CFAP77: variants seen among roughly 807,000 people sequenced by gnomAD.
CFAP77 encodes the protein cilia- and flagella-associated protein 77.
A neutral mutation model predicts 31.1 loss-of-function variants in CFAP77; 25 were observed. The ratio of observed to expected loss-of-function variants is 0.80; its 90% CI spans 0.59 to 1.12. CFAP77 has a LOEUF of 1.12. CFAP77 is among the 50% of genes most tolerant of loss of function. The pLI, the probability that CFAP77 is intolerant of heterozygous loss-of-function variation, is 0.00. For synonymous variants in CFAP77, 151 were observed against 159.9 expected (o/e 0.94, Z 0.42); for missense variants, 377 against 397.3 (o/e 0.95, Z 0.44).
intron 1 of CFAP77, among the ~76,000 whole-genome samples, chr9:132,459,627 G>C (rs28689528): frequency 6.6e-6 from 1 of 151,550 alleles, no homozygotes; most frequent in African/African-American, 2.4e-5. Context: ...ATGTATATGT[G>C]TGTATACATG....
rs181661204 is a variant in CFAP77 at position 132,545,149 on chromosome 9, G to A, written c.732+2102G>A. Among the ~76,000 whole-genome samples the A allele has an allele frequency of 1.6e-4, 25 of 152,370 alleles. No homozygotes were observed. In the East Asian group the frequency reaches 4.6e-3, roughly 28 times the overall value. On this transcript the variant is annotated intron_variant, in intron 5 of 5. Transcript: ENST00000393216. This position sits in a 1 kb window ranked among gnomAD's most constrained non-coding sequence, Gnocchi z 4.6. ...TTTCCATTTTCCAAAGAGGGGATTTGACTCAGCTGACCATGGGTCTGCCAG... is the reference window on the plus strand; with the variant it reads ...TTTCCATTTTCCAAAGAGGGGATTTAACTCAGCTGACCATGGGTCTGCCAG...
chr9:132,449,292 GGCTGCACTCACCCTCCTCTCCTA>G (rs1564207840), intron 1 of CFAP77, among the ~76,000 whole-genome samples: 15 of 77,068 alleles, frequency 1.9e-4, no homozygotes, highest in Non-Finnish European at 3.8e-4. Flanking sequence ...TCCTACTCCT[GGCTGCACTCACCCTCCTCTCCTA>G]CTCCTGGCTG....
At chr9:132,510,103 G>T (rs1301439714) in intron 3 of CFAP77, among the ~76,000 whole-genome samples, 1 of 152,280 alleles carries the variant, frequency 6.6e-6, no homozygotes, top group East Asian at 1.9e-4. Flanking sequence ...GCACTGATGG[G>T]CCCGTAATGG....
chr9:132,550,746 T>C (rs144367697), intron 5 of CFAP77, among the ~76,000 whole-genome samples: 1 of 152,086 alleles, frequency 6.6e-6, no homozygotes, highest in East Asian at 1.9e-4. Flanking sequence ...GGTTTCTGAG[T>C]GTCCCCACTT....
intron 1 of CFAP77, among the ~76,000 whole-genome samples, chr9:132,444,626 G>A (rs368278978): frequency 2.6e-5 from 4 of 152,262 alleles, no homozygotes; most frequent in South Asian, 4.1e-4. Flanking sequence ...GTGGTCTCCC[G>A]AAATCGTGCA....
rs77239795 is a variant in CFAP77, at chr9:132,458,015, C to T, written c.196-40680C>T. Among the ~76,000 whole-genome samples, 1,392 of 152,302 alleles carry T rather than the reference C, an allele frequency of 9.1e-3. 17 individuals carry two copies. The highest frequency in any genetic ancestry group is 0.031 in the African/African-American group (1,283 of 41,566). Reference sequence around the variant, plus strand: ...GCCCCGATCCCTTATTTCCGAAGGCCCGGGGCCTCCCTCCCTCGTCATATT... The same window carrying T: ...GCCCCGATCCCTTATTTCCGAAGGCTCGGGGCCTCCCTCCCTCGTCATATT... On this transcript the variant is annotated intron_variant, in intron 1 of 5. Coordinates refer to ENST00000393216, the MANE Select transcript of CFAP77 (RefSeq NM_001282957.2).
rs141288820 is a variant in CFAP77, at chr9:132,517,012, G to A, written c.524+17412G>A. On this transcript the variant is annotated intron_variant, in intron 3 of 5. Coordinates refer to ENST00000393216, the MANE Select transcript of CFAP77 (RefSeq NM_001282957.2). This position sits in a 1 kb window ranked among gnomAD's most constrained non-coding sequence, Gnocchi z 4.7. Reference sequence around the variant, plus strand: ...GGGAGACACCCCAGCCCTGCAGCACGCAGCTCGGGGCTGTGTGAGAACACG... The same window carrying A: ...GGGAGACACCCCAGCCCTGCAGCACACAGCTCGGGGCTGTGTGAGAACACG... Among the ~76,000 whole-genome samples, 18 of 152,334 alleles carry A rather than the reference G, an allele frequency of 1.2e-4. No homozygotes were observed. The highest frequency in any genetic ancestry group is 9.6e-4 in the East Asian group (5 of 5,184).
In CFAP77 at chr9:132,543,164, C is replaced by T. The variant is rs55777723; in HGVS notation, c.732+117C>T. ...GGCTTCTCACCATCGATTAGTACAA[C>T]AGCCGCAGCAGCAATCGCAACAGCT... On this transcript the variant is annotated intron_variant, in intron 5 of 5. Transcript: ENST00000393216. The T allele has an allele frequency of 0.018, 13,917 of 752,326 alleles. 1,385 individuals are homozygous for T. The African/African-American group carries it at 0.21, about 12-fold the overall frequency. 46.6% of individuals were successfully genotyped at this position (752,326 alleles called of 1,614,324 possible). A position where few individuals can be genotyped will look rare whatever the true frequency, so the allele number is the denominator to read the frequency against.
intron 1 of CFAP77, among the ~76,000 whole-genome samples, chr9:132,445,059 C>A (rs377128401): frequency 6.6e-6 from 1 of 151,750 alleles, no homozygotes; most frequent in African/African-American, 2.4e-5. Context: ...CTGCAACCTC[C>A]GCCTCCTGGG....
At chr9:132,559,163 T>C (rs1852952786) in intron 5 of CFAP77, among the ~76,000 whole-genome samples, 1 of 151,178 alleles carries the variant, frequency 6.6e-6, no homozygotes, top group East Asian at 1.9e-4. Context: ...GCTAACACGG[T>C]GAAACCCGAT....
In CFAP77 at chr9:132,554,573, G is replaced by A. The variant is rs1362358743; in HGVS notation, c.732+11526G>A. On this transcript the variant is annotated intron_variant, in intron 5 of 5. Coordinates refer to ENST00000393216, the MANE Select transcript of CFAP77 (RefSeq NM_001282957.2). The surrounding 1 kb of genome is among the most constrained non-coding windows in gnomAD (Gnocchi z 4.1). ...GCTGGTCTTGAACTCCTGGGCTCAA[G>A]AGATCTGCCCGCCTTGGCCTCCCAA... is the stretch of plus-strand genomic sequence containing the variant. Among the ~76,000 whole-genome samples the A allele has an allele frequency of 2.0e-5, 3 of 152,026 alleles. No individual in the cohort carries two copies. The highest frequency in any genetic ancestry group is 4.4e-5 in the Non-Finnish European group (3 of 67,948).
intron 1 of CFAP77, among the ~76,000 whole-genome samples, chr9:132,449,422 A>G (rs1589856592): frequency 6.8e-6 from 1 of 147,490 alleles, no homozygotes; most frequent in Non-Finnish European, 1.5e-5. Flanking sequence ...AAATGGAGCC[A>G]TAGAGTACAC....
intron 5 of CFAP77, among the ~76,000 whole-genome samples, chr9:132,548,553 G>C (rs1316527286): frequency 6.6e-6 from 1 of 152,146 alleles, no homozygotes; most frequent in African/African-American, 2.4e-5. Flanking sequence ...ATGAAGGTCA[G>C]GGCTGTGCCC....
In CFAP77 at chr9:132,429,850, CA is replaced by C. The variant is rs574495331; in HGVS notation, c.195+19392del. 3.9e-3 allele frequency among the ~76,000 whole-genome samples: 596 copies of C among 151,514 alleles called. 1 individual carries two copies. Among genetic ancestry groups the C allele is most frequent in the Non-Finnish European group, 6.1e-3 (414 of 67,830 alleles). On this transcript the variant is annotated intron_variant, in intron 1 of 5. Coordinates refer to ENST00000393216, the MANE Select transcript of CFAP77 (RefSeq NM_001282957.2). ...TGGGCGACAGAGTGAGACTCTGTCT[CA>C]AAAAAAATAAAACTCTGCTTTTCAT...
chr9:132,502,403 T>G (rs1007929673), intron 3 of CFAP77, among the ~76,000 whole-genome samples: 7 of 152,104 alleles, frequency 4.6e-5, no homozygotes, highest in African/African-American at 1.7e-4. Flanking sequence ...AATCATTACA[T>G]TCACGTCGTT....
intron 1 of CFAP77, among the ~76,000 whole-genome samples, chr9:132,485,569 T>G (rs1273673060): frequency 1.3e-5 from 2 of 152,188 alleles, no homozygotes; most frequent in Non-Finnish European, 2.9e-5. Flanking sequence ...CAGACTGTTA[T>G]GAAAATGAGT....
intron 3 of CFAP77, among the ~76,000 whole-genome samples, chr9:132,521,484 C>G (rs1852262823): frequency 1.3e-5 from 2 of 152,256 alleles, no homozygotes; most frequent in East Asian, 3.9e-4. Flanking sequence ...CCGTGGAGCT[C>G]AGAGCCTGGT....
intron 1 of CFAP77, among the ~76,000 whole-genome samples, chr9:132,466,254 GC>G (rs1335818775): frequency 1.3e-5 from 2 of 152,056 alleles, no homozygotes; most frequent in Non-Finnish European, 2.9e-5. Context: ...TTTTTTAAAT[GC>G]CCCTTGATGA....
chr9:132,542,892 C>A (rs1489755569), intron 4 of CFAP77, 54 bp from the exon 5 acceptor site: 24 of 1,387,946 alleles, frequency 1.7e-5, no homozygotes, highest in Non-Finnish European at 2.4e-5. Flanking sequence ...TTCAGCACGG[C>A]CTTCTCCAAG....
Sources: gnomAD v4.1 joint callset for allele counts (sites outside exome capture counted in the v4.1 genomes callset) on GRCh38, gnomAD v4.1.1 for gene constraint, Gnocchi (gnomAD v3.1) non-coding constraint, MANE v1.5 for transcripts, NCBI Gene and HGNC (gene_info 2026-07-23, HGNC 2026-07-21) for gene names.